Variants in CACNG7 observed in about 807,000 individuals in gnomAD.
CACNG7 encodes the protein calcium voltage-gated channel auxiliary subunit gamma 7, also known as voltage-dependent calcium channel gamma-7 subunit.
Under a neutral mutation model 26.3 loss-of-function variants are expected in CACNG7, and 9 were observed. The ratio of observed to expected loss-of-function variants is 0.34; its 90% CI spans 0.21 to 0.60. The LOEUF (loss-of-function observed/expected upper bound fraction) is 0.60. Ranked by LOEUF, CACNG7 falls within the 20% of genes least tolerant of loss-of-function variation. CACNG7 has a pLI of 0.81. For missense variants in CACNG7, 297 were observed against 380.4 expected (o/e 0.78, Z 1.82); for synonymous variants, 170 against 157.0 (o/e 1.08, Z -0.62).
intron 2 of CACNG7, among the ~76,000 whole-genome samples, chr19:53,914,288 GAA>G (rs200430248): frequency 0.21 from 25,566 of 124,340 alleles, 2,573 homozygotes; most frequent in South Asian, 0.24. Flanking sequence ...AAAAAAAAAA[GAA>G]AAAAAGAAAA....
chr19:53,920,908 G>C (rs1320168137), intron 4 of CACNG7, among the ~76,000 whole-genome samples: 6 of 117,850 alleles, frequency 5.1e-5, no homozygotes, highest in Admixed American at 3.2e-4. Flanking sequence ...CATTGGTGGA[G>C]TTGTCCCCAG....
rs944731287 is a variant in CACNG7 at position 53,931,452 on chromosome 19, C to T, written c.425-10018C>T. Among the ~76,000 whole-genome samples the T allele has an allele frequency of 8.6e-5, 13 of 151,662 alleles. No homozygotes were observed. The South Asian group carries it at 1.5e-3, about 17-fold the overall frequency. ...CTATAATCCCAGCACTTTGGGAGGC[C>T]GAGCTGGGCAGACCATTTGAGGTCA... On this transcript the variant is annotated intron_variant, in intron 4 of 5. Coordinates refer to ENST00000391767, the MANE Select transcript of CACNG7 (RefSeq NM_031896.5).
chr19:53,914,672 A>AG, intron 3 of CACNG7, 86 bp downstream of exon 3: 1 of 1,229,424 alleles, frequency 8.1e-7, no homozygotes, highest in East Asian at 2.3e-5. Flanking sequence ...GACTAGGGAA[A>AG]GGGTGGGGTC....
intron 4 of CACNG7, among the ~76,000 whole-genome samples, chr19:53,929,792 A>G (rs1254038908): frequency 6.6e-6 from 1 of 152,162 alleles, no homozygotes. Context: ...CTAGAAGTTG[A>G]AAGTGTTATG....
At chr19:53,924,843 C>T (rs1168634050) in intron 4 of CACNG7, among the ~76,000 whole-genome samples, 3 of 142,404 alleles carry the variant, frequency 2.1e-5, no homozygotes, top group Non-Finnish European at 3.1e-5. Flanking sequence ...GGAGTTGCCC[C>T]AGGTCTGGTC....
intron 1 of CACNG7, among the ~76,000 whole-genome samples, chr19:53,910,400 G>C (rs1428176073): frequency 1.3e-5 from 2 of 152,118 alleles, no homozygotes; most frequent in African/African-American, 4.8e-5. Flanking sequence ...CTGGGAGTGC[G>C]GGGTGGAGCG....
At chr19:53,923,844 G>GT (rs1242171747) in intron 4 of CACNG7, among the ~76,000 whole-genome samples, 1 of 120,712 alleles carries the variant, frequency 8.3e-6, no homozygotes, top group African/African-American at 3.8e-5. Flanking sequence ...TGGTGGAGTT[G>GT]CCCCAGGCCT....
chr19:53,910,929 G>A (rs918726648), intron 1 of CACNG7, among the ~76,000 whole-genome samples: 3 of 152,114 alleles, frequency 2.0e-5, no homozygotes, highest in Non-Finnish European at 2.9e-5. Context: ...GTGTGTTAGG[G>A]GAGGGGGTTT....
chr19:53,912,018 A>G lies in CACNG7; in HGVS notation c.-29-785A>G, dbSNP rs6509830. ...AGTGACCCACTTTGGGAATTTCTGGATGTAGTTCAGAGACAGGGTGCAAGA... is the reference window on the plus strand; with the variant it reads ...AGTGACCCACTTTGGGAATTTCTGGGTGTAGTTCAGAGACAGGGTGCAAGA... On this transcript the variant is annotated intron_variant, in intron 1 of 5. Coordinates refer to ENST00000391767, the MANE Select transcript of CACNG7 (RefSeq NM_031896.5). This position sits in a 1 kb window ranked among gnomAD's most constrained non-coding sequence, Gnocchi z 4.6. Among the ~76,000 whole-genome samples, 21,570 of 152,038 alleles carry G rather than the reference A, an allele frequency of 0.14. 5,004 individuals are homozygous for G. The highest frequency in any genetic ancestry group is 0.49 in the African/African-American group (20,138 of 41,380).
At position 53,922,317 on chromosome 19, in the gene CACNG7, T is replaced by C. The variant is rs184547651; in HGVS notation, c.424+6812T>C. On this transcript the variant is annotated intron_variant, in intron 4 of 5. Transcript: ENST00000391767. ...TGGTATTGGTGGAGTTGTCCCCAGG[T>C]CTGGTCATTGGTGGAGTTGTCCCCA... is the stretch of plus-strand genomic sequence containing the variant. Among the ~76,000 whole-genome samples the C allele has an allele frequency of 8.8e-3, 597 of 67,978 alleles. 58 individuals carry two copies. The highest frequency in any genetic ancestry group is 0.044 in the African/African-American group (482 of 10,864). 44.6% of individuals were successfully genotyped at this position (67,978 alleles called of 152,430 possible).
At chr19:53,941,446 A>G in intron 4 of CACNG7, 24 bp from the exon 5 acceptor site, 1 of 1,506,634 alleles carries the variant, frequency 6.6e-7, no homozygotes, top group Non-Finnish European at 8.8e-7. Context: ...CTAATGGACG[A>G]GGGCACCCCC....
chr19:53,918,134 T>C (rs1481349653), intron 4 of CACNG7, among the ~76,000 whole-genome samples: 1 of 152,242 alleles, frequency 6.6e-6, no homozygotes. Context: ...AGGCCACATG[T>C]TGTAAACCTA....
At chr19:53,914,699 G>C in intron 3 of CACNG7, 113 bp downstream of exon 3, 1 of 952,768 alleles carries the variant, frequency 1.0e-6, no homozygotes, top group Non-Finnish European at 1.7e-6. Context: ...AAGGAGGGGA[G>C]GCTTGAAAGA....
intron 2 of CACNG7, 46 bp from the exon 3 acceptor site, chr19:53,914,454 G>A (rs2068881928): frequency 8.3e-6 from 13 of 1,568,452 alleles, no homozygotes; most frequent in Non-Finnish European, 1.1e-5. Flanking sequence ...CCTCTCTAGA[G>A]CTTAGGAGCC....
intron 4 of CACNG7, among the ~76,000 whole-genome samples, chr19:53,920,759 T>G (rs1236808635): frequency 2.8e-5 from 2 of 70,858 alleles, no homozygotes; most frequent in East Asian, 3.9e-4. Context: ...TTGCCCCAGG[T>G]CTGGTCATTG....
chr19:53,921,217 T>C (rs1262029808), intron 4 of CACNG7, among the ~76,000 whole-genome samples: 1 of 41,312 alleles, frequency 2.4e-5, no homozygotes. Flanking sequence ...CCAGGCCTGG[T>C]ATTGGTGGAG....
chr19:53,923,206 GCTCGTCATTGGTGGAGTTGCCCCAGGT>G (rs2068980118), intron 4 of CACNG7, among the ~76,000 whole-genome samples: 2 of 57,988 alleles, frequency 3.4e-5, no homozygotes, highest in African/African-American at 1.2e-4. Context: ...GTTGTCCCAG[GCTCGTCATTGGTGGAGTTGCCCCAGGT>G]CTGGTCATTG....
intron 1 of CACNG7, among the ~76,000 whole-genome samples, chr19:53,910,075 G>T (rs8111215): frequency 0.77 from 116,764 of 150,974 alleles, 46,174 homozygotes; most frequent in African/African-American, 0.94. Context: ...CCAGTGAGAG[G>T]GAGGAGGAAT....
intron 4 of CACNG7, among the ~76,000 whole-genome samples, chr19:53,922,879 TCAGGCTGGTCATTGGTGGAGTTGC>T (rs2068974613): frequency 2.4e-5 from 1 of 42,250 alleles, no homozygotes; most frequent in Non-Finnish European, 3.8e-5. Flanking sequence ...TGGAGTTGAC[TCAGGCTGGTCATTGGTGGAGTTGC>T]CCCAGGCCTG....
Sources: allele counts gnomAD v4.1 joint callset (sites outside exome capture counted in the v4.1 genomes callset), GRCh38; gene constraint gnomAD v4.1.1; non-coding constraint Gnocchi (gnomAD v3.1); transcripts MANE v1.5; gene names NCBI Gene and HGNC (gene_info 2026-07-23, HGNC 2026-07-21).